The following NOMO2 variants were observed in gnomAD, a reference collection of about 807,000 sequenced individuals.
NOMO2 encodes BOS complex subunit NOMO2.
Under a neutral mutation model 67.1 loss-of-function variants are expected in NOMO2, and 14 were observed. The observed-to-expected ratio is 0.21, with a 90% CI of 0.14 to 0.33. The LOEUF is 0.33. Ranked by LOEUF, NOMO2 falls within the 10% of genes least tolerant of loss-of-function variation. The pLI is 1.00. For synonymous variants in NOMO2, 80 were observed against 305.9 expected, an observed-to-expected ratio of 0.26 and a Z score of 7.71; for missense variants, 178 against 761.0, an observed-to-expected ratio of 0.23 and a Z score of 9.01.
chr16:18,556,861 C>T (rs1483671609), intron 2 of NOMO2, among the ~76,000 whole-genome samples: 2 of 151,988 alleles, frequency 1.3e-5, no homozygotes, highest in African/African-American at 2.4e-5. Context: ...AACATCGGCT[C>T]ACACCTGTAA....
At chr16:18,529,968 G>T (rs56204473) in intron 14 of NOMO2, among the ~76,000 whole-genome samples, 66,778 of 124,498 alleles carry the variant, frequency 0.54, 16,650 homozygotes, top group Non-Finnish European at 0.59. Flanking sequence ...ATACAAAAGT[G>T]ATCCAGGCAT....
chr16:18,529,883 C>T (rs540950780), intron 14 of NOMO2, among the ~76,000 whole-genome samples: 5 of 151,518 alleles, frequency 3.3e-5, no homozygotes, highest in South Asian at 2.1e-4. Flanking sequence ...GGGAGGCTGA[C>T]GGCAGTTGGA....
chr16:18,557,136 A>G (rs570700583), intron 2 of NOMO2, among the ~76,000 whole-genome samples: 61 of 142,016 alleles, frequency 4.3e-4, no homozygotes, highest in Middle Eastern at 3.5e-3. Context: ...CAAAAGAAGA[A>G]AAAAAAAACA....
intron 9 of NOMO2, among the ~76,000 whole-genome samples, chr16:18,540,155 T>C (rs1411897872): frequency 2.0e-5 from 3 of 150,708 alleles, no homozygotes; most frequent in South Asian, 2.1e-4. Context: ...AAGCTTTAAA[T>C]AATTAAATGA....
chr16:18,543,658 C>T lies in NOMO2; in HGVS notation c.694G>A (p.Gly232Arg), dbSNP rs780284090. Residue 232 changes from glycine to arginine, a missense_variant, in exon 7 of 31, where the codon GGG becomes AGG. Gly to Arg is a moderately radical substitution (Grantham distance 125, BLOSUM62 -2). Transcript: ENST00000622306. Reference sequence around the variant, plus strand: ...GAAGAAAAGAGAAGAAACTTCACCCCTTTCATGGGCTCCCCATCACTTCGG... The same window carrying T: ...GAAGAAAAGAGAAGAAACTTCACCCTTTTCATGGGCTCCCCATCACTTCGG... ...SVRSDGEPMK[G>R]VKFLLFSSLV... is the part of the protein sequence containing the mutation. The T allele has an allele frequency of 5.0e-6, 8 of 1,611,746 alleles. No homozygotes were observed. The highest frequency in any genetic ancestry group is 5.9e-6 in the Non-Finnish European group (7 of 1,179,784).
At chr16:18,548,681 A>G (rs1042665834) in intron 5 of NOMO2, among the ~76,000 whole-genome samples, 1 of 152,110 alleles carries the variant, frequency 6.6e-6, no homozygotes, top group Non-Finnish European at 1.5e-5. Flanking sequence ...TAACTGAGCT[A>G]ACCTGTTTGA....
chr16:18,554,315 G>T (rs1422686312), intron 3 of NOMO2, among the ~76,000 whole-genome samples: 6 of 151,860 alleles, frequency 4.0e-5, no homozygotes, highest in Non-Finnish European at 8.8e-5. Context: ...GCTGACACGG[G>T]GGAAGTAACT....
chr16:18,557,409 T>G (rs1298428357), intron 2 of NOMO2, among the ~76,000 whole-genome samples: 5 of 151,234 alleles, frequency 3.3e-5, no homozygotes, highest in African/African-American at 9.7e-5. Flanking sequence ...TGTAGCGCAT[T>G]TAGCTCCACG....
intron 5 of NOMO2, among the ~76,000 whole-genome samples, chr16:18,549,149 A>G (rs1901720298): frequency 6.6e-6 from 1 of 151,232 alleles, no homozygotes. Context: ...ACTCTACTTG[A>G]TATAATTTTT....
At chr16:18,528,637 C>T (rs1901205620) in intron 15 of NOMO2, among the ~76,000 whole-genome samples, 1 of 151,782 alleles carries the variant, frequency 6.6e-6, no homozygotes. Flanking sequence ...CTGTTTACAG[C>T]TTCTTCCCCT....
chr16:18,535,171 C>T lies in NOMO2; in HGVS notation c.1221-1992G>A, dbSNP rs1395928803. 7.5e-5 allele frequency among the ~76,000 whole-genome samples: 10 copies of T among 134,092 alleles called. No individual in the cohort carries two copies. The Admixed American group carries it at 8.0e-4, about 11-fold the overall frequency. 88.0% of individuals were successfully genotyped at this position (134,092 alleles called of 152,430 possible). A position where few individuals can be genotyped will look rare whatever the true frequency, so the allele number is the denominator to read the frequency against. ...CCAACACGGCAAAACCACATCTCTA[C>T]TAAAAAATATAAAAATTAGCCTGTA... On this transcript the variant is annotated intron_variant, in intron 11 of 30. Coordinates refer to ENST00000622306, the MANE Select transcript of NOMO2 (RefSeq NM_173614.4).
intron 5 of NOMO2, among the ~76,000 whole-genome samples, chr16:18,547,654 G>C (rs1198222445): frequency 6.6e-6 from 1 of 151,842 alleles, no homozygotes; most frequent in African/African-American, 2.4e-5. Context: ...GGCATGAACT[G>C]ACAAGGAGAA....
intron 3 of NOMO2, among the ~76,000 whole-genome samples, chr16:18,553,937 G>C (rs1489516491): frequency 2.1e-5 from 3 of 144,822 alleles, no homozygotes; most frequent in Admixed American, 7.1e-5. Context: ...TCTAATGCAC[G>C]AGCAAGCCTG....
At chr16:18,524,256 AAC>A (rs1360449671) in intron 17 of NOMO2, among the ~76,000 whole-genome samples, 1 of 61,954 alleles carries the variant, frequency 1.6e-5, no homozygotes, top group Non-Finnish European at 3.5e-5. Flanking sequence ...GCACTTCAAA[AAC>A]ACAGCCCTCT....
At chr16:18,529,881 G>C (rs1243833752) in intron 14 of NOMO2, among the ~76,000 whole-genome samples, 1 of 151,498 alleles carries the variant, frequency 6.6e-6, no homozygotes, top group Admixed American at 6.6e-5. Context: ...CTGGGAGGCT[G>C]ACGGCAGTTG....
Position 18,525,837 on chromosome 16 carries a change from A to G in NOMO2, c.1895-1285T>C, listed in dbSNP as rs568441984. Among the ~76,000 whole-genome samples the G allele has an allele frequency of 1.5e-4, 23 of 151,614 alleles. No individual in the cohort carries two copies. The East Asian group carries it at 3.3e-3, about 22-fold the overall frequency. On this transcript the variant is annotated intron_variant, in intron 16 of 30. Coordinates refer to ENST00000622306, the MANE Select transcript of NOMO2 (RefSeq NM_173614.4). ...CTCTCCTTGACTTTCTCCTTTAAAC[A>G]TAAGTTTTCTAACAACAGCCATCTT...
chr16:18,527,256 G>A (rs983740169), intron 16 of NOMO2, among the ~76,000 whole-genome samples: 6 of 150,070 alleles, frequency 4.0e-5, no homozygotes, highest in African/African-American at 1.5e-4. Context: ...AGAGCGAGAA[G>A]CCACTGAAAG....
intron 9 of NOMO2, among the ~76,000 whole-genome samples, chr16:18,540,034 T>C (rs962839199): frequency 6.6e-6 from 1 of 151,610 alleles, no homozygotes; most frequent in African/African-American, 2.4e-5. Flanking sequence ...TGTTACCTCA[T>C]GGAGACAGGG....
intron 7 of NOMO2, chr16:18,542,966 T>C (rs1450525218): frequency 1.2e-5 from 3 of 250,714 alleles, no homozygotes; most frequent in African/African-American, 9.2e-5. Context: ...TTCCTTATCA[T>C]GGGTCACCAT....
Sources: allele counts gnomAD v4.1 joint callset (sites outside exome capture counted in the v4.1 genomes callset), GRCh38; gene constraint gnomAD v4.1.1; transcripts MANE v1.5; gene names NCBI Gene and HGNC (gene_info 2026-07-23, HGNC 2026-07-21).